The following FMR1 variants were observed in gnomAD, a reference collection of about 807,000 sequenced individuals.
FMR1 encodes the protein fragile X messenger ribonucleoprotein 1.
Under a neutral mutation model 50.6 loss-of-function variants are expected in FMR1, and 13 were observed. The ratio of observed to expected loss-of-function variants is 0.26; its 90% confidence interval spans 0.17 to 0.41. The LOEUF (loss-of-function observed/expected upper bound fraction) is 0.41, where lower values mean the gene tolerates loss of function less well. FMR1 is among the 10% of genes least tolerant of loss of function. The pLI is 1.00. For synonymous variants in FMR1, 138 were observed against 164.1 expected (o/e 0.84, Z 1.22); for missense variants, 316 against 491.3 (o/e 0.64, Z 3.37).
chrX:147,926,362 A>C (rs143655724), intron 3 of FMR1, among the ~76,000 whole-genome samples: 1 of 112,027 alleles, frequency 8.9e-6, no homozygotes, highest in Non-Finnish European at 1.9e-5. Flanking sequence ...TAATAAGCAT[A>C]ATGCCTTACT....
At chrX:147,929,676 T>C (rs891836954) in intron 5 of FMR1, among the ~76,000 whole-genome samples, 1 of 111,532 alleles carries the variant, frequency 9.0e-6, no homozygotes, top group Non-Finnish European at 1.9e-5. Flanking sequence ...AAGTTTTCAA[T>C]AGTTGACTTA....
intron 3 of FMR1, among the ~76,000 whole-genome samples, chrX:147,926,660 A>G (rs1805424): frequency 0.13 from 14,028 of 109,476 alleles, 740 homozygotes; most frequent in Non-Finnish European, 0.15. Context: ...GATAATTTTT[A>G]TATTTTTAGT....
intron 10 of FMR1, 67 bp downstream of exon 10, chrX:147,936,680 G>T: frequency 1.6e-6 from 1 of 628,729 alleles, no homozygotes; most frequent in Non-Finnish European, 2.7e-6. Flanking sequence ...GTGATATGTT[G>T]AGGACCTCTA....
intron 9 of FMR1, among the ~76,000 whole-genome samples, chrX:147,934,034 G>A (rs1557179261): frequency 8.9e-6 from 1 of 112,305 alleles, no homozygotes. Context: ...AATTGTATGT[G>A]TACAGAATGT....
At chrX:147,943,489 T>C in intron 14 of FMR1, 163 bp downstream of exon 14, 2 of 488,149 alleles carry the variant, frequency 4.1e-6, no homozygotes, top group Non-Finnish European at 7.1e-6. Context: ...AAAAACCTGA[T>C]GATAAACACG....
At chrX:147,926,280 TG>T (rs2043383707) in intron 3 of FMR1, among the ~76,000 whole-genome samples, 1 of 111,709 alleles carries the variant, frequency 9.0e-6, no homozygotes, top group Admixed American at 9.5e-5. Context: ...TCATATAGTT[TG>T]TGTGGTATCT....
At chrX:147,940,267 T>A (rs1457706588) in intron 12 of FMR1, 2 of 277,682 alleles carry the variant, frequency 7.2e-6, no homozygotes, top group African/African-American at 2.8e-5. Flanking sequence ...CTCATTTTGT[T>A]TATACATCTC....
At chrX:147,937,096 C>G (rs1416404875) in intron 10 of FMR1, among the ~76,000 whole-genome samples, 1 of 111,244 alleles carries the variant, frequency 9.0e-6, no homozygotes, top group African/African-American at 3.3e-5. Flanking sequence ...CTTCCCCATC[C>G]TCCTTACCTT....
chrX:147,939,821 C>T (rs2043918866), intron 12 of FMR1, among the ~76,000 whole-genome samples: 1 of 103,949 alleles, frequency 9.6e-6, no homozygotes, highest in African/African-American at 3.6e-5. Context: ...ACACCTAGGG[C>T]CTGGGGAGGT....
At chrX:147,940,465 T>C in intron 12 of FMR1, 111 bp from the exon 13 acceptor site, 2 of 567,611 alleles carry the variant, frequency 3.5e-6, no homozygotes, top group Middle Eastern at 4.6e-4. Context: ...AGCAAACATT[T>C]GTATACCTGC....
At chrX:147,912,706 T>A (rs2042652299) in intron 1 of FMR1, 1 of 297,520 alleles carries the variant, frequency 3.4e-6, no homozygotes, top group Non-Finnish European at 5.9e-6. Context: ...AGGTCTCCTT[T>A]GGCTTCTCTT....
intron 13 of FMR1, 119 bp downstream of exon 13, chrX:147,940,781 C>T: frequency 4.1e-6 from 2 of 489,499 alleles, no homozygotes; most frequent in Middle Eastern, 5.6e-4. Context: ...TATGACTTGT[C>T]AAAGGTAATA....
chrX:147,920,048 G>A (rs1379428556), intron 1 of FMR1, among the ~76,000 whole-genome samples: 6 of 112,027 alleles, frequency 5.4e-5, no homozygotes, highest in Admixed American at 4.7e-4. Context: ...GTCTTAATCC[G>A]AACTAGTTAT....
intron 13 of FMR1, among the ~76,000 whole-genome samples, chrX:147,942,198 C>T (rs945183976): frequency 2.7e-5 from 3 of 112,373 alleles, no homozygotes; most frequent in African/African-American, 9.7e-5. Flanking sequence ...TTTACAGGAG[C>T]TTCTCCAATG....
intron 2 of FMR1, 123 bp downstream of exon 2, chrX:147,922,108 A>G (rs1412157666): frequency 4.2e-6 from 2 of 478,818 alleles, no homozygotes; most frequent in African/African-American, 4.8e-5. Context: ...TCTTCATGTT[A>G]CTGACTGAGA....
Position 147,943,212 on chromosome X carries a change from A to C in FMR1, c.1357A>C (p.Asn453His). 1 of 1,209,899 alleles carries C rather than the reference A, an allele frequency of 8.3e-7. No individual in the cohort carries two copies. Among genetic ancestry groups the C allele is most frequent in the Non-Finnish European group, 1.1e-6 (1 of 893,982 alleles). Residue 453 changes from asparagine to histidine, a missense_variant, in exon 14 of 17, where the codon AAT becomes CAT. Transcript: ENST00000370475. ...QIGASSRPPP[N>H]RTDKEKSYVT... ...TGGAGCTAGTTCTAGACCACCACCA[A>C]ATCGTACAGATAAGGAAAAAAGCTA... is the stretch of plus-strand genomic sequence containing the variant.
In FMR1 at chrX:147,930,120, T is replaced by C; in HGVS notation, c.514-8T>C. The C allele has an allele frequency of 8.4e-7, 1 of 1,186,257 alleles. No homozygotes were observed. Among genetic ancestry groups the C allele is most frequent in the South Asian group, 1.8e-5 (1 of 56,362 alleles). On this transcript the variant is annotated splice_region_variant and splice_polypyrimidine_tract_variant and intron_variant, in intron 6 of 16. Transcript: ENST00000370475. ...TTGATAATAATGTTGTTAATTTAAA[T>C]CATTTAGTCCATCAATGAAGTCACC...
At chrX:147,920,641 C>T (rs782768949) in intron 1 of FMR1, among the ~76,000 whole-genome samples, 1 of 111,939 alleles carries the variant, frequency 8.9e-6, no homozygotes, top group Admixed American at 9.5e-5. Context: ...AAACCTGACA[C>T]CACCCTCAGA....
At chrX:147,928,042 C>T (rs1187690480) in intron 3 of FMR1, 3 of 259,105 alleles carry the variant, frequency 1.2e-5, no homozygotes, top group East Asian at 6.4e-5. Context: ...TATTTATGGG[C>T]GTCTATTTTC....
Sources: allele counts gnomAD v4.1 joint callset (sites outside exome capture counted in the v4.1 genomes callset), GRCh38; gene constraint gnomAD v4.1.1; transcripts MANE v1.5; gene names NCBI Gene and HGNC (gene_info 2026-07-23, HGNC 2026-07-21).